The following IFT74 variants were observed in gnomAD, a reference collection of about 807,000 sequenced individuals.
IFT74 encodes intraflagellar transport protein 74 homolog.
A neutral mutation model predicts 96.7 loss-of-function variants in IFT74; 92 were observed. The ratio of observed to expected loss-of-function variants is 0.95; its 90% CI spans 0.80 to 1.13. The LOEUF (loss-of-function observed/expected upper bound fraction) is 1.13, where lower values mean the gene tolerates loss of function less well. Among genes scored for constraint, IFT74 ranks in the 50% most tolerant of loss-of-function variants. The pLI is 0.00. For missense variants in IFT74, 811 were observed against 698.2 expected (o/e 1.16, Z -1.82); for synonymous variants, 223 against 213.2 (o/e 1.05, Z -0.40).
At chr9:26,996,476 T>C in intron 8 of IFT74, 1 of 1,503,156 alleles carries the variant, frequency 6.7e-7, no homozygotes. Context: ...TTGGGGTAGC[T>C]ACACATGGTG....
chr9:26,996,252 C>A, intron 8 of IFT74: 1 of 951,232 alleles, frequency 1.1e-6, no homozygotes, highest in Admixed American at 2.8e-5. Flanking sequence ...AAGATAACTA[C>A]CTCAGTTTAT....
chr9:27,064,033 T>G lies in IFT74; in HGVS notation c.*1297T>G, dbSNP rs1006412643. Reference sequence around the variant, plus strand: ...AACAAAGGTGAATTATTTTATTTTTTCTTGACTGCTCATAACCCTTAATAT... The same window carrying G: ...AACAAAGGTGAATTATTTTATTTTTGCTTGACTGCTCATAACCCTTAATAT... On this transcript the variant is annotated 3_prime_UTR_variant, in exon 20 of 20. Transcript: ENST00000380062. Among the ~76,000 whole-genome samples the G allele has an allele frequency of 5.3e-5, 8 of 152,136 alleles. No individual in the cohort carries two copies. The highest frequency in any genetic ancestry group is 1.9e-4 in the African/African-American group (8 of 41,458).
chr9:27,001,173 A>G (rs1238959825), intron 8 of IFT74, among the ~76,000 whole-genome samples: 2 of 152,088 alleles, frequency 1.3e-5, no homozygotes, highest in Non-Finnish European at 2.9e-5. Context: ...TCCATTGTAT[A>G]TATATGCTAC....
chr9:26,988,815 C>T (rs1322707435), intron 7 of IFT74, 87 bp downstream of exon 7: 3 of 1,213,772 alleles, frequency 2.5e-6, no homozygotes, highest in Non-Finnish European at 3.4e-6. Flanking sequence ...TTTGATAAAA[C>T]CTTAAGTGCT....
chr9:26,991,624 C>T (rs1035248281), intron 8 of IFT74, among the ~76,000 whole-genome samples: 4 of 151,924 alleles, frequency 2.6e-5, no homozygotes, highest in Admixed American at 2.0e-4. Flanking sequence ...TAACCACGCT[C>T]TTACTTGAAA....
chr9:27,004,250 C>T (rs531530157), intron 8 of IFT74, among the ~76,000 whole-genome samples: 62 of 152,018 alleles, frequency 4.1e-4, no homozygotes, highest in African/African-American at 5.5e-4. Flanking sequence ...TTCTCAAGTG[C>T]GCTAAAAGAA....
chr9:26,981,698 G>A (rs1292817350), intron 4 of IFT74, among the ~76,000 whole-genome samples: 2 of 151,984 alleles, frequency 1.3e-5, no homozygotes, highest in Non-Finnish European at 2.9e-5. Context: ...GGGATTACAG[G>A]CATGAGCCAC....
rs1205455681 is a variant in IFT74, at chr9:27,031,620, G to GA, written c.1054+2517dup. Among the ~76,000 whole-genome samples, 361 of 139,704 alleles carry GA rather than the reference G, an allele frequency of 2.6e-3. 1 individual carries two copies. The highest frequency in any genetic ancestry group is 7.4e-3 in the African/African-American group (280 of 37,938). The allele number at this position is 139,704 out of a possible 152,430, so 91.7% of individuals were successfully genotyped here. ...TCATTTTTTTTTTTTTTTTTAATGAGATAGGGTCTTTCTGTCACCCAGGCT... is the reference window on the plus strand; with the variant it reads ...TCATTTTTTTTTTTTTTTTTAATGAGAATAGGGTCTTTCTGTCACCCAGGCT... On this transcript the variant is annotated intron_variant, in intron 13 of 19. Coordinates refer to ENST00000380062, the MANE Select transcript of IFT74 (RefSeq NM_025103.4).
chr9:27,000,661 G>A (rs1828434445), intron 8 of IFT74, among the ~76,000 whole-genome samples: 1 of 152,062 alleles, frequency 6.6e-6, no homozygotes, highest in African/African-American at 2.4e-5. Flanking sequence ...TTCTCTTCTA[G>A]CTGTTTTTAA....
chr9:27,055,745 A>C lies in IFT74; in HGVS notation c.1470A>C (p.Leu490Phe), dbSNP rs1334148878. Reference protein sequence around the residue: ...DLEIYNDLPALKSSGEEKIKK... With the variant: ...DLEIYNDLPAFKSSGEEKIKK... ...AGATATATAATGATTTGCCAGCTTT[A>C]AAATCATCAGGTGAAGAAAAGATAA... Residue 490 changes from leucine to phenylalanine, a missense_variant, in exon 17 of 20, where the codon TTA becomes TTC. Coordinates refer to ENST00000380062, the MANE Select transcript of IFT74 (RefSeq NM_025103.4). 6.4e-7 allele frequency: 1 copy of C among 1,557,488 alleles called. No individual in the cohort carries two copies. Among genetic ancestry groups the C allele is most frequent in the Non-Finnish European group, 8.6e-7 (1 of 1,159,264 alleles).
In IFT74 at chr9:27,060,544, T is replaced by G. The variant is rs778109031; in HGVS notation, c.1624-47T>G. ...TTATCCTCTTAGAAAGGCATTTAAT[T>G]GTTTTAAATATGGGTCCTAATTAAT... On this transcript the variant is annotated intron_variant, in intron 18 of 19. Transcript: ENST00000380062. 3.9e-6 allele frequency: 5 copies of G among 1,276,192 alleles called. No individual in the cohort carries two copies. In the African/African-American group the frequency reaches 7.5e-5, roughly 19 times the overall value. The allele number at this position is 1,276,192 out of a possible 1,614,324, so 79.1% of individuals were successfully genotyped here. A position where few individuals can be genotyped will look rare whatever the true frequency, so the allele number is the denominator to read the frequency against.
chr9:26,962,983 G>A (rs1400176824), intron 2 of IFT74, among the ~76,000 whole-genome samples: 1 of 138,464 alleles, frequency 7.2e-6, no homozygotes, highest in Non-Finnish European at 1.6e-5. Flanking sequence ...TATACTTTAA[G>A]TTTTAGGGTA....
chr9:27,009,165 C>T lies in IFT74; in HGVS notation c.726+7C>T, dbSNP rs1162431084. The T allele has an allele frequency of 1.2e-6, 2 of 1,608,834 alleles. No individual in the cohort carries two copies. The highest frequency in any genetic ancestry group is 1.3e-5 in the African/African-American group (1 of 74,680). On this transcript the variant is annotated splice_region_variant and intron_variant, in intron 9 of 19. Coordinates refer to ENST00000380062, the MANE Select transcript of IFT74 (RefSeq NM_025103.4). ...AAATGAGAAACTGTTACAGGTAATA[C>T]AAATTACTGCTGTGTGCCAAGCATG...
rs112441702 is a variant in IFT74, at chr9:26,968,324, C to CT, written c.120+6237_120+6238insT. On this transcript the variant is annotated intron_variant, in intron 2 of 19. Coordinates refer to ENST00000380062, the MANE Select transcript of IFT74 (RefSeq NM_025103.4). ...TTGCCCAGGCTGGAGTGCAGTGACG[C>CT]AATCTCTGCTCACTACAACCTCTGC... 8.0e-3 allele frequency among the ~76,000 whole-genome samples: 1,213 copies of CT among 151,480 alleles called. 19 individuals carry two copies. The highest frequency in any genetic ancestry group is 0.028 in the African/African-American group (1,157 of 41,242).
chr9:27,014,236 G>A (rs1052505843), intron 10 of IFT74, among the ~76,000 whole-genome samples: 26 of 152,026 alleles, frequency 1.7e-4, no homozygotes. Flanking sequence ...AAAAAAGCAG[G>A]TAGTTTTCTG....
intron 2 of IFT74, among the ~76,000 whole-genome samples, chr9:26,967,901 G>A (rs1202454308): frequency 6.6e-6 from 1 of 152,102 alleles, no homozygotes; most frequent in African/African-American, 2.4e-5. Context: ...ATTTGCACAT[G>A]TTGAACTATC....
intron 10 of IFT74, among the ~76,000 whole-genome samples, chr9:27,015,872 C>G (rs542019372): frequency 1.3e-5 from 2 of 152,256 alleles, no homozygotes; most frequent in African/African-American, 4.8e-5. Context: ...GTGCCTGGCA[C>G]AGAACAGATG....
chr9:27,040,892 C>T (rs751627106), intron 13 of IFT74, among the ~76,000 whole-genome samples: 10 of 152,148 alleles, frequency 6.6e-5, no homozygotes, highest in African/African-American at 2.2e-4. Context: ...GTCAGGAGAA[C>T]GTCATTTGAT....
intron 8 of IFT74, among the ~76,000 whole-genome samples, chr9:26,992,706 TAACAA>T (rs1397515046): frequency 1.3e-5 from 2 of 150,894 alleles, no homozygotes; most frequent in Non-Finnish European, 3.0e-5. Context: ...AAAAAAAAAA[TAACAA>T]AAAGTATTGT....
Sources: allele counts gnomAD v4.1 joint callset (sites outside exome capture counted in the v4.1 genomes callset), GRCh38; gene constraint gnomAD v4.1.1; transcripts MANE v1.5; gene names NCBI Gene and HGNC (gene_info 2026-07-23, HGNC 2026-07-21).